Variants in SPAG16 observed in about 807,000 individuals in gnomAD.
SPAG16 encodes the protein sperm associated antigen 16, also known as sperm-associated antigen 16 protein.
Under a neutral mutation model 80.4 loss-of-function variants are expected in SPAG16, and 86 were observed. The ratio of observed to expected loss-of-function variants is 1.07; its 90% CI spans 0.90 to 1.28. The LOEUF is 1.28. Ranked by LOEUF, SPAG16 falls within the 50% of genes most tolerant of loss-of-function variation. SPAG16 has a pLI of 0.00. For synonymous variants in SPAG16, 294 were observed against 265.9 expected (o/e 1.11, Z -1.03); for missense variants, 870 against 765.3 (o/e 1.14, Z -1.61).
intron 10 of SPAG16, among the ~76,000 whole-genome samples, chr2:213,832,803 A>C (rs180808556): frequency 1.3e-4 from 20 of 152,254 alleles, no homozygotes; most frequent in Non-Finnish European, 2.1e-4. Context: ...TTCATTTCTG[A>C]AGGCCCTCAC....
chr2:213,323,258 G>C (rs1464004763), intron 5 of SPAG16, among the ~76,000 whole-genome samples: 1 of 152,082 alleles, frequency 6.6e-6, no homozygotes, highest in Non-Finnish European at 1.5e-5. Context: ...GGCTAACATG[G>C]TGAAACCCCG....
At chr2:213,765,509 A>T (rs983757332) in intron 10 of SPAG16, among the ~76,000 whole-genome samples, 1 of 152,200 alleles carries the variant, frequency 6.6e-6, no homozygotes, top group Non-Finnish European at 1.5e-5. Flanking sequence ...TTGAGTCTAT[A>T]TGTGTATATT....
intron 15 of SPAG16, among the ~76,000 whole-genome samples, chr2:214,250,755 T>TAGAG (rs1192976006): frequency 0.014 from 1,374 of 96,594 alleles, 8 homozygotes; most frequent in Non-Finnish European, 0.016. Context: ...TATATATATA[T>TAGAG]ATAGAGAGAG....
chr2:213,503,581 C>T (rs1257604080), intron 10 of SPAG16, among the ~76,000 whole-genome samples: 1 of 152,136 alleles, frequency 6.6e-6, no homozygotes, highest in Non-Finnish European at 1.5e-5. Context: ...AGGCTAATGA[C>T]CCACTTGTGC....
chr2:213,694,560 T>G (rs1273730636), intron 10 of SPAG16, among the ~76,000 whole-genome samples: 1 of 152,202 alleles, frequency 6.6e-6, no homozygotes, highest in Non-Finnish European at 1.5e-5. Context: ...CCTCTCAATA[T>G]GTTGACTTCC....
chr2:213,718,533 A>G (rs1392030188), intron 10 of SPAG16, among the ~76,000 whole-genome samples: 1 of 152,168 alleles, frequency 6.6e-6, no homozygotes, highest in East Asian at 1.9e-4. Flanking sequence ...CGGTGCTTGC[A>G]GGCCAGCTGG....
intron 15 of SPAG16, among the ~76,000 whole-genome samples, chr2:214,198,082 T>C (rs1353498274): frequency 6.6e-6 from 1 of 152,042 alleles, no homozygotes; most frequent in Non-Finnish European, 1.5e-5. Flanking sequence ...TTGACCTCTT[T>C]TATTGTGTAA....
Position 213,822,417 on chromosome 2 carries a change from T to G in SPAG16, c.1071-40068T>G, listed in dbSNP as rs571423051. On this transcript the variant is annotated intron_variant, in intron 10 of 15. Transcript: ENST00000331683. ...TATAGAGTTGTTTGAGCTCCTTCTG[T>G]ATTCTGGTTATTTATCCTTTATCAG... Among the ~76,000 whole-genome samples, 163 of 152,284 alleles carry G rather than the reference T, an allele frequency of 1.1e-3. 2 individuals carry two copies. Among genetic ancestry groups the G allele is most frequent in the African/African-American group, 3.8e-3 (159 of 41,570 alleles).
At chr2:214,299,711 G>C (rs528036628) in intron 15 of SPAG16, among the ~76,000 whole-genome samples, 7 of 152,248 alleles carry the variant, frequency 4.6e-5, no homozygotes, top group African/African-American at 1.7e-4. Context: ...GCTCTTTTAA[G>C]TTGGCTTTGC....
chr2:213,339,041 AAAG>A (rs1237537661), intron 5 of SPAG16, among the ~76,000 whole-genome samples: 10 of 152,202 alleles, frequency 6.6e-5, no homozygotes, highest in Admixed American at 1.3e-4. Flanking sequence ...AAAAAAAAGA[AAAG>A]AAGAAAGAAA....
At position 213,579,835 on chromosome 2, in the gene SPAG16, T is replaced by C. The variant is rs562313459; in HGVS notation, c.1070+89745T>C. On this transcript the variant is annotated intron_variant, in intron 10 of 15. Coordinates refer to ENST00000331683, the MANE Select transcript of SPAG16 (RefSeq NM_024532.5). ...ATTCCTCACCAACAATTTTGTATCA[T>C]GATCTAATATTAATCAAGATGACAT... Among the ~76,000 whole-genome samples the C allele has an allele frequency of 3.3e-5, 5 of 152,296 alleles. No individual in the cohort carries two copies. In the South Asian group the frequency reaches 1.0e-3, roughly 32 times the overall value.
chr2:214,387,352 G>A lies in SPAG16; in HGVS notation c.1721-22788G>A, dbSNP rs147654934. 1.4e-4 allele frequency among the ~76,000 whole-genome samples: 21 copies of A among 152,164 alleles called. No individual in the cohort carries two copies. The East Asian group carries it at 3.7e-3, about 27-fold the overall frequency. Reference sequence around the variant, plus strand: ...TTATTTCCACTTTTAAAAATAGGGCGATGTTTGATCCATCAGGAACCTGAA... The same window carrying A: ...TTATTTCCACTTTTAAAAATAGGGCAATGTTTGATCCATCAGGAACCTGAA... On this transcript the variant is annotated intron_variant, in intron 15 of 15. Transcript: ENST00000331683.
At chr2:214,021,102 A>T (rs189675504) in intron 13 of SPAG16, among the ~76,000 whole-genome samples, 1 of 152,192 alleles carries the variant, frequency 6.6e-6, no homozygotes, top group Non-Finnish European at 1.5e-5. Context: ...CAAATTAGGA[A>T]TATTTGTGTT....
At chr2:213,954,427 C>T (rs2044014339) in intron 12 of SPAG16, among the ~76,000 whole-genome samples, 1 of 152,036 alleles carries the variant, frequency 6.6e-6, no homozygotes, top group South Asian at 2.1e-4. Context: ...TCATTTGAAA[C>T]ATTTCTACTT....
Position 214,266,382 on chromosome 2 carries a change from A to G in SPAG16, c.1720+117116A>G, listed in dbSNP as rs377689618. Among the ~76,000 whole-genome samples the G allele has an allele frequency of 7.2e-5, 11 of 151,996 alleles. No individual in the cohort carries two copies. The South Asian group carries it at 1.4e-3, about 20-fold the overall frequency. On this transcript the variant is annotated intron_variant, in intron 15 of 15. Transcript: ENST00000331683. ...TTTTTCAAGTCCCTTATCTATTGCC[A>G]ATAGATAGACTTTATTTTTGGAGCA...
intron 10 of SPAG16, among the ~76,000 whole-genome samples, chr2:213,615,623 C>T (rs1458217062): frequency 6.6e-6 from 1 of 151,712 alleles, no homozygotes; most frequent in East Asian, 1.9e-4. Context: ...TAAAAAAAAC[C>T]CAAAAAACTT....
At chr2:213,796,973 T>A (rs1165106010) in intron 10 of SPAG16, among the ~76,000 whole-genome samples, 2 of 151,848 alleles carry the variant, frequency 1.3e-5, no homozygotes, top group Non-Finnish European at 2.9e-5. Flanking sequence ...TGGAAGAAAG[T>A]GATATTGATG....
intron 12 of SPAG16, among the ~76,000 whole-genome samples, chr2:214,007,988 T>A (rs1261030928): frequency 6.6e-6 from 1 of 152,130 alleles, no homozygotes; most frequent in Non-Finnish European, 1.5e-5. Context: ...TTCACCCCTC[T>A]CTGATAACAC....
chr2:214,003,246 C>T (rs977319400), intron 12 of SPAG16, among the ~76,000 whole-genome samples: 7 of 152,028 alleles, frequency 4.6e-5, no homozygotes, highest in Non-Finnish European at 7.4e-5. Flanking sequence ...TGTGGGAGAT[C>T]GGTTAATATA....
Sources: gnomAD v4.1 joint callset for allele counts (sites outside exome capture counted in the v4.1 genomes callset) on GRCh38, gnomAD v4.1.1 for gene constraint, MANE v1.5 for transcripts, NCBI Gene and HGNC (gene_info 2026-07-23, HGNC 2026-07-21) for gene names.